ZNF609: variants seen among roughly 807,000 people sequenced by gnomAD.
ZNF609 encodes zinc finger protein 609.
Under a neutral mutation model 109.5 loss-of-function variants are expected in ZNF609, and 11 were observed. That is an observed-to-expected ratio of 0.10 (90% confidence interval 0.06 to 0.17). ZNF609 has a LOEUF of 0.17. Among genes scored for constraint, ZNF609 ranks in the 10% least tolerant of loss-of-function variants. The pLI is 1.00. For missense variants in ZNF609, 1,559 were observed against 1,772.4 expected (o/e 0.88, Z 2.16); for synonymous variants, 646 against 662.0 (o/e 0.98, Z 0.37).
At chr15:64,570,896 C>T (rs202113058) in intron 2 of ZNF609, among the ~76,000 whole-genome samples, 13 of 152,034 alleles carry the variant, frequency 8.6e-5, no homozygotes, top group African/African-American at 2.9e-4. Context: ...TGTGGTGGCA[C>T]GCACCTGTAG....
chr15:64,605,776 C>A (rs1392291646), intron 2 of ZNF609, among the ~76,000 whole-genome samples: 1 of 148,658 alleles, frequency 6.7e-6, no homozygotes, highest in African/African-American at 2.5e-5. Flanking sequence ...CTCTGTCGCC[C>A]AGGCTTGAGT....
intron 2 of ZNF609, among the ~76,000 whole-genome samples, chr15:64,598,257 G>T (rs1013474913): frequency 2.0e-5 from 3 of 152,186 alleles, no homozygotes; most frequent in Admixed American, 6.5e-5. Flanking sequence ...TGGGATTACA[G>T]GTATGCACCA....
chr15:64,676,285 ATACCGTATGGTAAT>A (rs747803241), intron 5 of ZNF609, 29 bp downstream of exon 5: 15 of 1,567,930 alleles, frequency 9.6e-6, no homozygotes, highest in Non-Finnish European at 1.0e-5. Flanking sequence ...GGAAGTGGAA[ATACCGTATGGTAAT>A]CGTCTATCTT....
chr15:64,593,119 C>T (rs1016842738), intron 2 of ZNF609: 120 of 1,591,532 alleles, frequency 7.5e-5, no homozygotes, highest in Middle Eastern at 1.8e-4. Context: ...TAGTGGAGTC[C>T]GCAGCAGTCA....
chr15:64,650,530 C>T (rs1896401480), intron 3 of ZNF609, among the ~76,000 whole-genome samples: 1 of 151,850 alleles, frequency 6.6e-6, no homozygotes, highest in African/African-American at 2.4e-5. Context: ...AGTCTTGGGG[C>T]TTAAGAGAGG....
chr15:64,540,970 G>T (rs1233835420), intron 2 of ZNF609, among the ~76,000 whole-genome samples: 3 of 147,954 alleles, frequency 2.0e-5, no homozygotes, highest in Non-Finnish European at 4.5e-5. Context: ...GGAGCTTGCA[G>T]TGAGCCGGGA....
intron 2 of ZNF609, among the ~76,000 whole-genome samples, chr15:64,555,886 C>CAAAAAAAAAA (rs963732035): frequency 5.1e-5 from 2 of 38,936 alleles, no homozygotes; most frequent in African/African-American, 1.8e-4. Flanking sequence ...GACTCTGTCT[C>CAAAAAAAAAA]AAAAAAAAAA....
intron 2 of ZNF609, among the ~76,000 whole-genome samples, chr15:64,510,439 A>C (rs999904886): frequency 6.6e-6 from 1 of 151,860 alleles, no homozygotes; most frequent in Non-Finnish European, 1.5e-5. Flanking sequence ...TCCTGGGCTC[A>C]AGTGATTCCC....
At chr15:64,667,194 A>C (rs1000645829) in intron 3 of ZNF609, among the ~76,000 whole-genome samples, 1 of 152,214 alleles carries the variant, frequency 6.6e-6, no homozygotes, top group African/African-American at 2.4e-5. Context: ...GTTCAAGGTT[A>C]CACTATAACA....
At chr15:64,645,896 G>A (rs1309724620) in intron 3 of ZNF609, among the ~76,000 whole-genome samples, 2 of 152,166 alleles carry the variant, frequency 1.3e-5, no homozygotes, top group Non-Finnish European at 2.9e-5. Flanking sequence ...TGTTCAAGAG[G>A]ATGTGGAGAA....
intron 1 of ZNF609, among the ~76,000 whole-genome samples, chr15:64,493,746 CTG>C (rs1418089481): frequency 1.3e-5 from 2 of 152,202 alleles, no homozygotes; most frequent in African/African-American, 4.8e-5. Context: ...CTTGTGGTCT[CTG>C]TAAGATATTG....
At chr15:64,611,000 T>C (rs1455485123) in intron 2 of ZNF609, among the ~76,000 whole-genome samples, 2 of 152,162 alleles carry the variant, frequency 1.3e-5, no homozygotes, top group Non-Finnish European at 1.5e-5. Context: ...AGTTTTTTAA[T>C]TTTGCATTTT....
intron 2 of ZNF609, among the ~76,000 whole-genome samples, chr15:64,549,758 C>A (rs1422729271): frequency 1.3e-5 from 2 of 151,892 alleles, no homozygotes; most frequent in Admixed American, 1.3e-4. Flanking sequence ...GATTTTTGGT[C>A]CATGTTTTTT....
chr15:64,517,301 C>T (rs1046015215), intron 2 of ZNF609, among the ~76,000 whole-genome samples: 10 of 152,064 alleles, frequency 6.6e-5, no homozygotes, highest in Non-Finnish European at 8.8e-5. Flanking sequence ...CACTTGAACC[C>T]GGGAAGTGGA....
chr15:64,592,168 G>GAA (rs112857602), intron 2 of ZNF609, among the ~76,000 whole-genome samples: 2 of 126,610 alleles, frequency 1.6e-5, no homozygotes, highest in African/African-American at 3.0e-5. Context: ...CTGCCTCAAA[G>GAA]AAAAAAAAAA....
At chr15:64,650,563 A>G (rs1011178481) in intron 3 of ZNF609, among the ~76,000 whole-genome samples, 31 of 152,332 alleles carry the variant, frequency 2.0e-4, no homozygotes, top group African/African-American at 7.5e-4. Context: ...TTAACATTAG[A>G]AGAAGGTATG....
chr15:64,611,339 T>C (rs139326923), intron 2 of ZNF609, among the ~76,000 whole-genome samples: 10 of 152,214 alleles, frequency 6.6e-5, no homozygotes, highest in African/African-American at 2.2e-4. Context: ...AGGCAGGAGA[T>C]TGTAGAGTGA....
chr15:64,486,298 C>T (rs564777288), intron 1 of ZNF609, among the ~76,000 whole-genome samples: 134 of 152,198 alleles, frequency 8.8e-4, no homozygotes, highest in African/African-American at 3.1e-3. Flanking sequence ...CCAAGGCAGG[C>T]GGATCACCTG....
chr15:64,536,916 GAAAAA>G (rs60594462), intron 2 of ZNF609, among the ~76,000 whole-genome samples: 2 of 55,400 alleles, frequency 3.6e-5, no homozygotes, highest in African/African-American at 7.0e-5. Flanking sequence ...TCTCAAAAAA[GAAAAA>G]AAAAAAAAAA....
Sources: allele counts gnomAD v4.1 joint callset (sites outside exome capture counted in the v4.1 genomes callset), GRCh38; gene constraint gnomAD v4.1.1; transcripts MANE v1.5; gene names NCBI Gene and HGNC (gene_info 2026-07-23, HGNC 2026-07-21).